The following DET1 variants were observed in gnomAD, a reference collection of about 807,000 sequenced individuals.
The protein encoded by DET1 is DET1 partner of COP1 E3 ubiquitin ligase, also known as DET1 homolog.
In DET1, 22 loss-of-function variants were observed where a neutral mutation model predicts 43.7. That is an observed-to-expected ratio of 0.50 (90% CI 0.36 to 0.72). DET1 has a LOEUF of 0.72. Ranked by LOEUF, DET1 falls within the 30% of genes least tolerant of loss-of-function variation. DET1 has a pLI of 0.00. For missense variants in DET1, 713 were observed against 713.3 expected (o/e 1.00, Z 0.00); for synonymous variants, 315 against 266.2 (o/e 1.18, Z -1.79).
At chr15:88,523,571 C>T (rs2056563870) in intron 3 of DET1, among the ~76,000 whole-genome samples, 1 of 152,160 alleles carries the variant, frequency 6.6e-6, no homozygotes, top group Non-Finnish European at 1.5e-5. Flanking sequence ...TACCGAGTGC[C>T]TGGGATTGCA....
intron 2 of DET1, among the ~76,000 whole-genome samples, chr15:88,529,797 A>C (rs1298688524): frequency 6.6e-6 from 1 of 152,252 alleles, no homozygotes; most frequent in Non-Finnish European, 1.5e-5. Context: ...TAACTTGGTC[A>C]ACACTGAAGT....
chr15:88,530,582 AAGG>A (rs2056783434), intron 2 of DET1, 38 bp downstream of exon 2: 2 of 1,535,204 alleles, frequency 1.3e-6, no homozygotes, highest in Non-Finnish European at 1.8e-6. Flanking sequence ...CCATTTTGCC[AAGG>A]AGATTAGACA....
chr15:88,511,752 A>G (rs747689297), downstream of DET1, among the ~76,000 whole-genome samples: 1 of 152,222 alleles, frequency 6.6e-6, no homozygotes, highest in Non-Finnish European at 1.5e-5. Flanking sequence ...CATTTTGATC[A>G]CACTGAAATT....
chr15:88,535,212 A>C (rs1174484073), intron 1 of DET1, among the ~76,000 whole-genome samples: 1 of 152,194 alleles, frequency 6.6e-6, no homozygotes, highest in Non-Finnish European at 1.5e-5. Context: ...TTAAAAATTT[A>C]AAAACAATTC....
chr15:88,546,071 C>A (rs967902152), intron 1 of DET1, among the ~76,000 whole-genome samples: 1 of 151,840 alleles, frequency 6.6e-6, no homozygotes, highest in South Asian at 2.1e-4. Context: ...TTAACTAGAC[C>A]CCCCCTCCCC....
At chr15:88,533,852 T>TAAAAAAAA (rs368408722) in intron 1 of DET1, among the ~76,000 whole-genome samples, 523 of 39,110 alleles carry the variant, frequency 0.013, 12 homozygotes, top group South Asian at 0.022. Context: ...ACCCAATCTC[T>TAAAAAAAA]AAAAAAAAAA....
At chr15:88,512,163 T>C (rs1046730978), downstream of DET1, among the ~76,000 whole-genome samples, 2 of 152,200 alleles carry the variant, frequency 1.3e-5, no homozygotes, top group African/African-American at 4.8e-5. Context: ...ACAGTATTTG[T>C]TTCTGCTGTG....
chr15:88,540,110 T>C (rs1032703196), intron 1 of DET1, among the ~76,000 whole-genome samples: 1 of 152,092 alleles, frequency 6.6e-6, no homozygotes, highest in Admixed American at 6.6e-5. Context: ...GCAAGTTCAG[T>C]GTCTCCAGGA....
chr15:88,531,875 G>C lies in DET1; in HGVS notation c.-10-160C>G, dbSNP rs1421302764. On this transcript the variant is annotated intron_variant, in intron 1 of 4. Coordinates refer to ENST00000268148, the MANE Select transcript of DET1 (RefSeq NM_001144074.3). The surrounding 1 kb of genome is among the most constrained non-coding windows in gnomAD (Gnocchi z 6.2). The stretch of plus-strand genomic sequence containing the variant: ...CTACTTCCCAGATTATACTGAGTAA[G>C]TGGTCCTAACATTTCTAAGTCTAGA... 1 of 690,618 alleles carries C rather than the reference G, an allele frequency of 1.4e-6. No homozygotes were observed. Among genetic ancestry groups the C allele is most frequent in the Non-Finnish European group, 2.4e-6 (1 of 424,192 alleles). 42.8% of individuals were successfully genotyped at this position (690,618 alleles called of 1,614,324 possible).
downstream of DET1, among the ~76,000 whole-genome samples, chr15:88,511,962 C>T (rs561403185): frequency 1.2e-3 from 188 of 152,138 alleles, 1 homozygote; most frequent in Non-Finnish European, 1.5e-3. Flanking sequence ...ACACTACTGG[C>T]GGATACATTA....
At chr15:88,503,967 C>T (rs1187642861) in exon 8 of DET1, 2 of 150,684 alleles carry the variant, frequency 1.3e-5, no homozygotes, top group East Asian at 2.0e-4. Flanking sequence ...CACACTCCAG[C>T]CTGGGCAACA....
intron 1 of DET1, chr15:88,536,426 T>C: frequency 1.4e-6 from 1 of 696,448 alleles, no homozygotes; most frequent in South Asian, 1.6e-5. Flanking sequence ...GTTAAAATAA[T>C]TAATGGAGCA....
intron 3 of DET1, among the ~76,000 whole-genome samples, chr15:88,526,212 C>T (rs2056658603): frequency 6.6e-6 from 1 of 152,190 alleles, no homozygotes; most frequent in Non-Finnish European, 1.5e-5. Flanking sequence ...AAACATGATG[C>T]CACTGCATTA....
At chr15:88,523,176 T>C (rs2056549984) in intron 3 of DET1, among the ~76,000 whole-genome samples, 1 of 152,152 alleles carries the variant, frequency 6.6e-6, no homozygotes, top group Non-Finnish European at 1.5e-5. Flanking sequence ...ATGCCAGACC[T>C]GTTTCCTTAC....
chr15:88,535,480 T>C (rs1304643256), intron 1 of DET1, among the ~76,000 whole-genome samples: 1 of 149,520 alleles, frequency 6.7e-6, no homozygotes, highest in Non-Finnish European at 1.5e-5. Flanking sequence ...TAATAGTTGG[T>C]GGTGGTGGCA....
Position 88,531,973 on chromosome 15 carries a change from C to G in DET1, c.-10-258G>C. 1 of 427,528 alleles carries G rather than the reference C, an allele frequency of 2.3e-6. No homozygotes were observed. Among genetic ancestry groups the G allele is most frequent in the East Asian group, 4.1e-5 (1 of 24,152 alleles). The allele number at this position is 427,528 out of a possible 1,614,324, so 26.5% of individuals were successfully genotyped here. A position where few individuals can be genotyped will look rare whatever the true frequency, so the allele number is the denominator to read the frequency against. On this transcript the variant is annotated intron_variant, in intron 1 of 4. Coordinates refer to ENST00000268148, the MANE Select transcript of DET1 (RefSeq NM_001144074.3). This position sits in a 1 kb window ranked among gnomAD's most constrained non-coding sequence, Gnocchi z 6.2. ...ATGCTCAGCTGTTGGGAAAGTTCAA[C>G]AGAAAAAAACCTACAACTACAAATT...
At chr15:88,508,396 G>A (rs2056164169), downstream of DET1, among the ~76,000 whole-genome samples, 1 of 152,138 alleles carries the variant, frequency 6.6e-6, no homozygotes, top group Admixed American at 6.5e-5. Flanking sequence ...CCAATTCTGT[G>A]AGACAATAAA....
chr15:88,516,707 T>C lies in DET1; in HGVS notation c.1463+75A>G. 7.9e-7 allele frequency: 1 copy of C among 1,268,142 alleles called. No individual in the cohort carries two copies. The highest frequency in any genetic ancestry group is 1.0e-6 in the Non-Finnish European group (1 of 955,566). The allele number at this position is 1,268,142 out of a possible 1,614,324, so 78.6% of individuals were successfully genotyped here. On this transcript the variant is annotated intron_variant, in intron 4 of 4. Coordinates refer to ENST00000268148, the MANE Select transcript of DET1 (RefSeq NM_001144074.3). The surrounding 1 kb of genome is among the most constrained non-coding windows in gnomAD (Gnocchi z 4.4). ...GAGTCACAGTCACAATCAAATGATGTCCAGAAAAAGAGAAAAAGAAAGCAG... is the reference window on the plus strand; with the variant it reads ...GAGTCACAGTCACAATCAAATGATGCCCAGAAAAAGAGAAAAAGAAAGCAG...
In DET1 at chr15:88,531,844, G is replaced by T; in HGVS notation, c.-10-129C>A. ...GGAGCTCCCAAGATGACAGTGACTG[G>T]CATTACTACTTCCCAGATTATACTG... is the stretch of plus-strand genomic sequence containing the variant. On this transcript the variant is annotated intron_variant, in intron 1 of 4. Transcript: ENST00000268148. The surrounding 1 kb of genome is among the most constrained non-coding windows in gnomAD (Gnocchi z 6.2). 1 of 854,540 alleles carries T rather than the reference G, an allele frequency of 1.2e-6. No individual in the cohort carries two copies. The highest frequency in any genetic ancestry group is 1.8e-6 in the Non-Finnish European group (1 of 570,904). The allele number at this position is 854,540 out of a possible 1,614,324, so 52.9% of individuals were successfully genotyped here.
Sources: allele counts gnomAD v4.1 joint callset (sites outside exome capture counted in the v4.1 genomes callset), GRCh38; gene constraint gnomAD v4.1.1; non-coding constraint Gnocchi (gnomAD v3.1); transcripts MANE v1.5; gene names NCBI Gene and HGNC (gene_info 2026-07-23, HGNC 2026-07-21).